Variants in HDAC4 observed in about 807,000 individuals in gnomAD.
HDAC4 encodes histone deacetylase 4, also known as histone deacetylase A.
In HDAC4, 16 loss-of-function variants were observed where a neutral mutation model predicts 135.1. The ratio of observed to expected loss-of-function variants is 0.12; its 90% CI spans 0.08 to 0.18. The LOEUF (loss-of-function observed/expected upper bound fraction) is 0.18. Ranked by LOEUF, HDAC4 falls within the 10% of genes least tolerant of loss-of-function variation. The pLI is 1.00. For missense variants in HDAC4, 1,143 were observed against 1,511.8 expected, an observed-to-expected ratio of 0.76 and a Z score of 4.05; for synonymous variants, 685 against 653.4, an observed-to-expected ratio of 1.05 and a Z score of -0.74.
At chr2:239,376,908 G>C (rs552879792) in intron 1 of HDAC4, among the ~76,000 whole-genome samples, 61 of 152,124 alleles carry the variant, frequency 4.0e-4, no homozygotes, top group Non-Finnish European at 6.9e-4. Context: ...CACGATGATA[G>C]CAAGTTTCAA....
intron 11 of HDAC4, among the ~76,000 whole-genome samples, chr2:239,128,231 GAA>G (rs2040328607): frequency 6.6e-6 from 1 of 152,138 alleles, no homozygotes; most frequent in Non-Finnish European, 1.5e-5. Context: ...CGTAAAAAAA[GAA>G]AAAGGTAAAC....
intron 5 of HDAC4, among the ~76,000 whole-genome samples, chr2:239,168,257 T>C (rs988919250): frequency 6.6e-5 from 10 of 152,148 alleles, no homozygotes; most frequent in Non-Finnish European, 1.3e-4. Flanking sequence ...TGGACCGCAG[T>C]GAGAGAAAGC....
chr2:239,195,649 A>G (rs1033074454), intron 3 of HDAC4, among the ~76,000 whole-genome samples: 2 of 152,264 alleles, frequency 1.3e-5, no homozygotes, highest in African/African-American at 4.8e-5. Context: ...CACCCTGAAG[A>G]AAACAATAAA....
intron 2 of HDAC4, among the ~76,000 whole-genome samples, chr2:239,264,433 G>A (rs1472910642): frequency 6.6e-6 from 1 of 152,252 alleles, no homozygotes. Flanking sequence ...ATGTGCTAAT[G>A]TAAGACTACA....
chr2:239,210,713 G>A (rs79516954), intron 3 of HDAC4, among the ~76,000 whole-genome samples: 2,255 of 152,290 alleles, frequency 0.015, 31 homozygotes, highest in Non-Finnish European at 0.022. Flanking sequence ...AGAGGACAGA[G>A]TGACGGCACA....
chr2:239,181,701 C>T (rs1029204212), intron 4 of HDAC4, among the ~76,000 whole-genome samples: 9 of 152,198 alleles, frequency 5.9e-5, no homozygotes, highest in Admixed American at 1.3e-4. Flanking sequence ...ATAAAACCTG[C>T]TCCACCCACC....
At chr2:239,173,866 A>G (rs1403000039) in intron 5 of HDAC4, among the ~76,000 whole-genome samples, 3 of 152,248 alleles carry the variant, frequency 2.0e-5, no homozygotes, top group African/African-American at 7.2e-5. Flanking sequence ...ATAAAAACCA[A>G]GCCATTCACA....
At chr2:239,202,010 A>C (rs3791588) in intron 3 of HDAC4, among the ~76,000 whole-genome samples, 21,507 of 152,134 alleles carry the variant, frequency 0.14, 1,609 homozygotes, top group East Asian at 0.23. Flanking sequence ...AGTTGGCAGG[A>C]TCTTTCCCCA....
intron 2 of HDAC4, among the ~76,000 whole-genome samples, chr2:239,263,752 G>A (rs2049529631): frequency 6.6e-6 from 1 of 152,192 alleles, no homozygotes; most frequent in Non-Finnish European, 1.5e-5. Context: ...GGGCACCGAC[G>A]GGGGGACAGA....
At chr2:239,103,568 G>A (rs1380094601) in intron 15 of HDAC4, among the ~76,000 whole-genome samples, 2 of 152,242 alleles carry the variant, frequency 1.3e-5, no homozygotes, top group African/African-American at 4.8e-5. Context: ...CATGGAAATG[G>A]CTCTCAGAGG....
chr2:239,361,070 A>C (rs1693836395), intron 1 of HDAC4, among the ~76,000 whole-genome samples: 1 of 152,118 alleles, frequency 6.6e-6, no homozygotes, highest in Non-Finnish European at 1.5e-5. Context: ...TTGCCCTTCC[A>C]AGTTCTTTCC....
At chr2:239,055,893 G>A (rs1214960902) in intron 24 of HDAC4, among the ~76,000 whole-genome samples, 1 of 152,234 alleles carries the variant, frequency 6.6e-6, no homozygotes. Context: ...CCTGGAGCCA[G>A]CCTTGCTGGG....
rs1204465370 is a variant in HDAC4 at position 239,208,220 on chromosome 2, C to T, written c.95-18143G>A. Among the ~76,000 whole-genome samples, 37 of 148,432 alleles carry T rather than the reference C, an allele frequency of 2.5e-4. 2 individuals are homozygous for T. The East Asian group carries it at 6.5e-3, about 26-fold the overall frequency. On this transcript the variant is annotated intron_variant, in intron 3 of 26. Transcript: ENST00000543185. The stretch of plus-strand genomic sequence containing the variant: ...TGGGTGCCTGTAGTCCCAGCTACTC[C>T]GGAGGCCGAGGCAGGAGAATGGCGT...
chr2:239,160,069 TACA>T (rs1304060719), intron 6 of HDAC4, among the ~76,000 whole-genome samples: 5 of 152,174 alleles, frequency 3.3e-5, no homozygotes, highest in African/African-American at 4.8e-5. Flanking sequence ...TTCCAAGAAA[TACA>T]ACGAGGAACC....
chr2:239,172,718 A>C (rs1468379411), intron 5 of HDAC4, among the ~76,000 whole-genome samples: 2 of 152,156 alleles, frequency 1.3e-5, no homozygotes, highest in Non-Finnish European at 2.9e-5. Flanking sequence ...GAAAAGAATA[A>C]CTGATAAACT....
At position 239,255,740 on chromosome 2, in the gene HDAC4, G is replaced by A. The variant is rs370826504; in HGVS notation, c.23-19076C>T. On this transcript the variant is annotated intron_variant, in intron 2 of 26. Coordinates refer to ENST00000543185, the MANE Select transcript of HDAC4 (RefSeq NM_001378414.1). ...TTCAGTACCACTAAAAGCAGGGTAC[G>A]AGCTCAGCAATCCTACTCTGAAACA... Among the ~76,000 whole-genome samples the A allele has an allele frequency of 1.2e-4, 19 of 152,242 alleles. No homozygotes were observed. In the South Asian group the frequency reaches 3.7e-3, roughly 30 times the overall value.
At chr2:239,390,066 C>A (rs774705546) in intron 1 of HDAC4, among the ~76,000 whole-genome samples, 18 of 152,178 alleles carry the variant, frequency 1.2e-4, no homozygotes, top group Non-Finnish European at 2.2e-4. Flanking sequence ...CCAGGTAGGG[C>A]AAAGAAACAA....
intron 5 of HDAC4, among the ~76,000 whole-genome samples, chr2:239,175,625 G>C (rs903530546): frequency 6.6e-6 from 1 of 152,228 alleles, no homozygotes; most frequent in African/African-American, 2.4e-5. Flanking sequence ...GGAGCAGATA[G>C]CAAGAGCACG....
chr2:239,157,235 C>T lies in HDAC4; in HGVS notation c.612-462G>A, dbSNP rs185840271. ...GGGCAAAAAACGGTCTAAGAACAAA[C>T]GCTGTGATGTGTGGGACTCTCTCTG... On this transcript the variant is annotated intron_variant, in intron 6 of 26. Transcript: ENST00000543185. Among the ~76,000 whole-genome samples, 8 of 152,338 alleles carry T rather than the reference C, an allele frequency of 5.3e-5. No homozygotes were observed. The East Asian group carries it at 7.7e-4, about 15-fold the overall frequency.
Sources: gnomAD v4.1 joint callset for allele counts (sites outside exome capture counted in the v4.1 genomes callset) on GRCh38, gnomAD v4.1.1 for gene constraint, MANE v1.5 for transcripts, NCBI Gene and HGNC (gene_info 2026-07-23, HGNC 2026-07-21) for gene names.